REC114: variants seen among roughly 807,000 people sequenced by gnomAD.
REC114 encodes the protein REC114 meiotic recombination protein.
In REC114, 27 loss-of-function variants were observed where a neutral mutation model predicts 31.3. That is an observed-to-expected ratio of 0.86 (90% CI 0.64 to 1.19). The LOEUF is 1.19. Among genes scored for constraint, REC114 ranks in the 50% most tolerant of loss-of-function variants. REC114 has a pLI of 0.00. For missense variants in REC114, 344 were observed against 326.9 expected (o/e 1.05, Z -0.40); for synonymous variants, 134 against 127.7 (o/e 1.05, Z -0.33).
At chr15:73,513,586 T>A (rs1440898220) in intron 2 of REC114, among the ~76,000 whole-genome samples, 1 of 151,614 alleles carries the variant, frequency 6.6e-6, no homozygotes, top group African/African-American at 2.4e-5. Flanking sequence ...TTATCTACTT[T>A]TTGTCTTTGA....
At chr15:73,544,907 C>T (rs1226564208) in intron 3 of REC114, among the ~76,000 whole-genome samples, 1 of 152,124 alleles carries the variant, frequency 6.6e-6, no homozygotes, top group African/African-American at 2.4e-5. Flanking sequence ...GCGGGAAAAC[C>T]CACTGGGTTT....
At chr15:73,512,820 A>T (rs1893792189) in intron 2 of REC114, among the ~76,000 whole-genome samples, 1 of 141,222 alleles carries the variant, frequency 7.1e-6, no homozygotes, top group Admixed American at 6.8e-5. Flanking sequence ...ATCTGCTGTT[A>T]GTCTGATGGG....
chr15:73,518,706 G>A (rs966381694), intron 2 of REC114, among the ~76,000 whole-genome samples: 3 of 152,112 alleles, frequency 2.0e-5, no homozygotes, highest in Admixed American at 6.6e-5. Context: ...ATGCATGCTG[G>A]GGATACAAAA....
chr15:73,459,199 C>T (rs1449453857), intron 1 of REC114, among the ~76,000 whole-genome samples: 1 of 151,834 alleles, frequency 6.6e-6, no homozygotes, highest in African/African-American at 2.4e-5. Flanking sequence ...TTACATTTTA[C>T]AGATGCGGTA....
At chr15:73,476,582 A>G (rs1010352495) in intron 2 of REC114, among the ~76,000 whole-genome samples, 5 of 152,220 alleles carry the variant, frequency 3.3e-5, no homozygotes, top group African/African-American at 9.6e-5. Flanking sequence ...TAACATATGC[A>G]TTACCTCACT....
intron 2 of REC114, among the ~76,000 whole-genome samples, chr15:73,531,090 G>T (rs1894074473): frequency 6.6e-6 from 1 of 152,116 alleles, no homozygotes; most frequent in Non-Finnish European, 1.5e-5. Flanking sequence ...AAATCATAAT[G>T]GGAAGATTTT....
intron 1 of REC114, among the ~76,000 whole-genome samples, chr15:73,464,885 TTTTGTTTG>T (rs369465530): frequency 1.3e-5 from 2 of 151,930 alleles, no homozygotes. Flanking sequence ...ATGATGTGTT[TTTTGTTTG>T]TTTGTTTGTT....
rs898469586 is a variant in REC114, at chr15:73,551,273, G to A, written c.546+123G>A. The A allele has an allele frequency of 5.1e-5, 51 of 999,810 alleles. No homozygotes were observed. In the Admixed American group the frequency reaches 6.4e-4, roughly 13 times the overall value. The allele number at this position is 999,810 out of a possible 1,614,324, so 61.9% of individuals were successfully genotyped here. A position where few individuals can be genotyped will look rare whatever the true frequency, so the allele number is the denominator to read the frequency against. Reference sequence around the variant, plus strand: ...TGTAGTTTAAAAAACATCTATGTTCGGTGACTTTTTAAAATTGAGGTCGAT... The same window carrying A: ...TGTAGTTTAAAAAACATCTATGTTCAGTGACTTTTTAAAATTGAGGTCGAT... On this transcript the variant is annotated intron_variant, in intron 4 of 5. Coordinates refer to ENST00000331090, the MANE Select transcript of REC114 (RefSeq NM_001042367.2).
chr15:73,447,688 T>TAAAC (rs1165901887), intron 1 of REC114, among the ~76,000 whole-genome samples: 6 of 149,890 alleles, frequency 4.0e-5, no homozygotes, highest in African/African-American at 9.9e-5. Context: ...AATAAATAAA[T>TAAAC]AGGAAAATAC....
At chr15:73,482,497 T>A (rs2141297740) in intron 2 of REC114, among the ~76,000 whole-genome samples, 1 of 152,348 alleles carries the variant, frequency 6.6e-6, no homozygotes, top group Non-Finnish European at 1.5e-5. Flanking sequence ...CCTGCAGAAC[T>A]GTGAAACAAA....
intron 2 of REC114, among the ~76,000 whole-genome samples, chr15:73,495,615 C>T (rs1367027154): frequency 6.6e-6 from 1 of 151,450 alleles, no homozygotes; most frequent in African/African-American, 2.4e-5. Flanking sequence ...GCATAAGAAG[C>T]TTAGTTATAG....
intron 2 of REC114, among the ~76,000 whole-genome samples, chr15:73,491,734 C>T (rs1391449654): frequency 6.6e-6 from 1 of 151,718 alleles, no homozygotes; most frequent in Non-Finnish European, 1.5e-5. Flanking sequence ...CTTGTCTCTA[C>T]AAAAAAAATT....
Position 73,520,392 on chromosome 15 carries a change from G to A in REC114, c.250-20093G>A, listed in dbSNP as rs112766516. Among the ~76,000 whole-genome samples the A allele has an allele frequency of 6.8e-3, 1,035 of 152,100 alleles. 6 individuals carry two copies. Among genetic ancestry groups the A allele is most frequent in the African/African-American group, 0.023 (937 of 41,484 alleles). On this transcript the variant is annotated intron_variant, in intron 2 of 5. Coordinates refer to ENST00000331090, the MANE Select transcript of REC114 (RefSeq NM_001042367.2). ...ATTACAGGCGTGTGCCACCACACCC[G>A]GCTAATTTTTGCATTTTTAGCAGAG...
chr15:73,504,051 G>C (rs2141310224), intron 2 of REC114, among the ~76,000 whole-genome samples: 1 of 139,850 alleles, frequency 7.2e-6, no homozygotes, highest in Admixed American at 7.5e-5. Context: ...CTGTCACCCA[G>C]GCTGGAGCGC....
At chr15:73,488,911 T>C (rs1893408856) in intron 2 of REC114, among the ~76,000 whole-genome samples, 1 of 152,202 alleles carries the variant, frequency 6.6e-6, no homozygotes, top group Non-Finnish European at 1.5e-5. Flanking sequence ...GTATTTGTTA[T>C]AGTAACACCC....
chr15:73,444,477 C>T (rs1045613602), intron 1 of REC114, among the ~76,000 whole-genome samples: 1 of 152,208 alleles, frequency 6.6e-6, no homozygotes, highest in Non-Finnish European at 1.5e-5. Context: ...CTTTGCTCAT[C>T]CATAAAAAGC....
In REC114 at chr15:73,510,911, G is replaced by T. The variant is rs1247790806; in HGVS notation, c.250-29574G>T. On this transcript the variant is annotated intron_variant, in intron 2 of 5. Transcript: ENST00000331090. The stretch of plus-strand genomic sequence containing the variant: ...ATATTGGTCTAAAATTCTCTTTTTT[G>T]GTTGTGTCTCTGCCCGGCTTTGGTA... 4.6e-5 allele frequency among the ~76,000 whole-genome samples: 7 copies of T among 151,870 alleles called. No homozygotes were observed. The South Asian group carries it at 1.2e-3, about 27-fold the overall frequency.
At chr15:73,477,689 A>G (rs1326847097) in intron 2 of REC114, among the ~76,000 whole-genome samples, 4 of 152,180 alleles carry the variant, frequency 2.6e-5, no homozygotes, top group Non-Finnish European at 5.9e-5. Context: ...AAGTGTTGGG[A>G]TTATAGGCAT....
intron 2 of REC114, among the ~76,000 whole-genome samples, chr15:73,524,416 C>T (rs1011092134): frequency 6.6e-6 from 1 of 152,150 alleles, no homozygotes; most frequent in South Asian, 2.1e-4. Flanking sequence ...GAATCTTGTT[C>T]ATGCCCTAAT....
Sources: gnomAD v4.1 joint callset for allele counts (sites outside exome capture counted in the v4.1 genomes callset) on GRCh38, gnomAD v4.1.1 for gene constraint, MANE v1.5 for transcripts, NCBI Gene and HGNC (gene_info 2026-07-23, HGNC 2026-07-21) for gene names.